The following BICRA variants were observed in gnomAD, a reference collection of about 807,000 sequenced individuals.
BICRA encodes the protein BRD4 interacting chromatin remodeling complex associated protein, also known as BRD4-interacting chromatin-remodeling complex-associated protein.
BICRA carries 31 observed loss-of-function variants against 96.9 expected under a neutral mutation model. That is an observed-to-expected ratio of 0.32 (90% confidence interval 0.24 to 0.43). The LOEUF is 0.43. BICRA is among the 20% of genes least tolerant of loss of function. The pLI, the probability that BICRA is intolerant of heterozygous loss-of-function variation, is 1.00. For missense variants in BICRA, 2,283 were observed against 2,190.3 expected (o/e 1.04, Z -0.84); for synonymous variants, 1,350 against 1,071.8 (o/e 1.26, Z -5.07).
intron 1 of BICRA, among the ~76,000 whole-genome samples, chr19:47,629,856 C>A (rs931191829): frequency 6.6e-6 from 1 of 152,160 alleles, no homozygotes; most frequent in Non-Finnish European, 1.5e-5. Context: ...TGGGGTTTCG[C>A]CATGTTGGCC....
chr19:47,627,475 T>C (rs1972158343), intron 1 of BICRA, among the ~76,000 whole-genome samples: 1 of 152,146 alleles, frequency 6.6e-6, no homozygotes, highest in South Asian at 2.1e-4. Context: ...TTCAGGCCGT[T>C]TCAGACCAGA....
chr19:47,641,440 C>G (rs1242632648), intron 1 of BICRA, among the ~76,000 whole-genome samples: 1 of 152,178 alleles, frequency 6.6e-6, no homozygotes, highest in Admixed American at 6.5e-5. Context: ...TCTCTGCTTT[C>G]TGTAACTATA....
chr19:47,635,799 G>A lies in BICRA; in HGVS notation c.-108+26631G>A, dbSNP rs1972292885. Among the ~76,000 whole-genome samples, 3 of 152,060 alleles carry A rather than the reference G, an allele frequency of 2.0e-5. No homozygotes were observed. In the South Asian group the frequency reaches 6.2e-4, roughly 32 times the overall value. On this transcript the variant is annotated intron_variant, in intron 1 of 14. Coordinates refer to ENST00000594866, the MANE Select transcript of BICRA (RefSeq NM_001394372.1). ...AGAATTCATCCCTTTCTAAGGCTGG[G>A]TAATACTCCATTGTGCAGATATACC... is the stretch of plus-strand genomic sequence containing the variant.
chr19:47,681,047 A>G lies in BICRA; in HGVS notation c.1877A>G (p.Gln626Arg), dbSNP rs1302446645. The change falls in exon 6 of 15, where the codon CAG (glutamine) becomes CGG (arginine). Residue 626 changes from glutamine to arginine, a missense_variant. Transcript: ENST00000594866. Reference sequence around the variant, plus strand: ...GTCCTCACGGTGCAGCCTGCCCCCCAGGCGCCCCCCGCGGTCAGCACACCC... The same window carrying G: ...GTCCTCACGGTGCAGCCTGCCCCCCGGGCGCCCCCCGCGGTCAGCACACCC... ...APVLTVQPAP[Q>R]APPAVSTPLP... is the part of the protein sequence containing the mutation. The G allele has an allele frequency of 2.9e-6, 4 of 1,377,212 alleles. No individual in the cohort carries two copies. Among genetic ancestry groups the G allele is most frequent in the Non-Finnish European group, 3.7e-6 (4 of 1,075,794 alleles). 85.3% of individuals were successfully genotyped at this position (1,377,212 alleles called of 1,614,324 possible).
chr19:47,655,324 G>A (rs1158324476), intron 1 of BICRA, among the ~76,000 whole-genome samples: 1 of 151,542 alleles, frequency 6.6e-6, no homozygotes, highest in Non-Finnish European at 1.5e-5. Context: ...TCAGGAGTTC[G>A]AGACCAGCCT....
intron 11 of BICRA, among the ~76,000 whole-genome samples, chr19:47,696,812 G>A (rs545108870): frequency 1.3e-5 from 2 of 152,008 alleles, no homozygotes; most frequent in East Asian, 1.9e-4. Flanking sequence ...GCTGGGCCGC[G>A]TCGGTGCTGA....
chr19:47,668,086 T>C (rs1972809481), intron 1 of BICRA, among the ~76,000 whole-genome samples: 1 of 152,096 alleles, frequency 6.6e-6, no homozygotes, highest in Non-Finnish European at 1.5e-5. Context: ...AAAAATTAGC[T>C]GGGCGTGGTG....
At chr19:47,652,389 A>G (rs1416096085) in intron 1 of BICRA, among the ~76,000 whole-genome samples, 2 of 152,064 alleles carry the variant, frequency 1.3e-5, no homozygotes, top group Non-Finnish European at 2.9e-5. Context: ...GGGTCTCACT[A>G]TGCTGCCCAG....
At chr19:47,685,797 G>GCGCA (rs1973147053) in intron 7 of BICRA, among the ~76,000 whole-genome samples, 1 of 147,234 alleles carries the variant, frequency 6.8e-6, no homozygotes, top group Non-Finnish European at 1.5e-5. Flanking sequence ...GCGCGCGCGC[G>GCGCA]CGCATGCGTA....
rs570819519 is a variant in BICRA, at chr19:47,677,393, A to C, written c.150+1477A>C. On this transcript the variant is annotated intron_variant, in intron 5 of 14. Transcript: ENST00000594866. ...CTGGGTTGCAGTCCAGGATAGCATGAAAAGCACTTAAAAAGCATTGAGGCT... is the reference window on the plus strand; with the variant it reads ...CTGGGTTGCAGTCCAGGATAGCATGCAAAGCACTTAAAAAGCATTGAGGCT... Among the ~76,000 whole-genome samples the C allele has an allele frequency of 2.6e-5, 4 of 152,294 alleles. No homozygotes were observed. In the East Asian group the frequency reaches 5.8e-4, roughly 22 times the overall value.
chr19:47,621,482 T>C (rs1189294630), intron 1 of BICRA, among the ~76,000 whole-genome samples: 1 of 151,848 alleles, frequency 6.6e-6, no homozygotes, highest in East Asian at 1.9e-4. Flanking sequence ...TTTTTTTTTT[T>C]TTAAATGCGA....
At position 47,694,223 on chromosome 19, in the gene BICRA, CG is replaced by C; in HGVS notation, c.2394del (p.Pro800LeufsTer42). On this transcript the variant is annotated frameshift_variant, in exon 8 of 15. Coordinates refer to ENST00000594866, the MANE Select transcript of BICRA (RefSeq NM_001394372.1). LOFTEE classifies it high-confidence loss of function. ...SPHLPSPHPT[R>X]PPSRPPSRPQ... ...CCACCTGCCCTCCCCACACCCCACC[CG>C]GCCCCCTTCCCGCCCACCCTCCCGG... 1 of 1,180,728 alleles carries C rather than the reference CG, an allele frequency of 8.5e-7. No individual in the cohort carries two copies. The highest frequency in any genetic ancestry group is 2.6e-5 in the Admixed American group (1 of 38,772). 73.1% of individuals were successfully genotyped at this position (1,180,728 alleles called of 1,614,324 possible). A position where few individuals can be genotyped will look rare whatever the true frequency, so the allele number is the denominator to read the frequency against.
intron 7 of BICRA, among the ~76,000 whole-genome samples, chr19:47,682,434 C>G (rs1160618296): frequency 6.6e-6 from 1 of 152,318 alleles, no homozygotes; most frequent in South Asian, 2.1e-4. Flanking sequence ...GTAATACATT[C>G]AGATAATTCA....
chr19:47,626,995 T>TA (rs1972151495), intron 1 of BICRA, among the ~76,000 whole-genome samples: 1 of 152,082 alleles, frequency 6.6e-6, no homozygotes, highest in African/African-American at 2.4e-5. Flanking sequence ...GTGCTGGGAT[T>TA]ACAGGCGTGA....
At chr19:47,665,167 C>A (rs1269348229) in intron 1 of BICRA, among the ~76,000 whole-genome samples, 1 of 149,196 alleles carries the variant, frequency 6.7e-6, no homozygotes, top group African/African-American at 2.5e-5. Context: ...GGGTCTGCCT[C>A]TGCCCTTTTG....
chr19:47,703,082 TC>T lies in BICRA; in HGVS notation c.*671del, dbSNP rs2123619971. 1 of 152,774 alleles carries T rather than the reference TC, an allele frequency of 6.5e-6. No individual in the cohort carries two copies. Among genetic ancestry groups the T allele is most frequent in the African/African-American group, 2.4e-5 (1 of 41,532 alleles). 9.5% of individuals were successfully genotyped at this position (152,774 alleles called of 1,614,324 possible). ...GGGGTCTTCCTCTCCCCCGAACCTC[TC>T]CCCAGCTAGTCTTCCCTCTGTTCTT... On this transcript the variant is annotated 3_prime_UTR_variant, in exon 15 of 15. Coordinates refer to ENST00000594866, the MANE Select transcript of BICRA (RefSeq NM_001394372.1).
At chr19:47,610,546 C>T (rs1422560925) in intron 1 of BICRA, among the ~76,000 whole-genome samples, 1 of 152,086 alleles carries the variant, frequency 6.6e-6, no homozygotes, top group East Asian at 1.9e-4. Flanking sequence ...CTCTGGTGTC[C>T]CCATCCTGGT....
chr19:47,623,443 A>C (rs1032243960), intron 1 of BICRA, among the ~76,000 whole-genome samples: 1 of 152,176 alleles, frequency 6.6e-6, no homozygotes, highest in Non-Finnish European at 1.5e-5. Context: ...AGAGGCACAG[A>C]GGTAAAATGA....
Position 47,702,579 on chromosome 19 carries a change from C to T in BICRA, c.*164C>T, listed in dbSNP as rs1973484063. 5.0e-6 allele frequency: 4 copies of T among 799,262 alleles called. No individual in the cohort carries two copies. Among genetic ancestry groups the T allele is most frequent in the East Asian group, 3.3e-5 (1 of 30,266 alleles). 49.5% of individuals were successfully genotyped at this position (799,262 alleles called of 1,614,324 possible). On this transcript the variant is annotated 3_prime_UTR_variant, in exon 15 of 15. Transcript: ENST00000594866. ...CCTCCTTCCCTGCCGCCTGCTTCAG[C>T]TGGGTTGCTGGGGGGTGGGCGTGGA...
Sources: allele counts gnomAD v4.1 joint callset (sites outside exome capture counted in the v4.1 genomes callset), GRCh38; gene constraint gnomAD v4.1.1; transcripts MANE v1.5; gene names NCBI Gene and HGNC (gene_info 2026-07-23, HGNC 2026-07-21).